Variants in CNTNAP2 observed in about 807,000 individuals in gnomAD.
CNTNAP2 encodes the protein contactin-associated protein-like 2.
Under a neutral mutation model 155.2 loss-of-function variants are expected in CNTNAP2, and 98 were observed. The ratio of observed to expected loss-of-function variants is 0.63; its 90% CI spans 0.54 to 0.75. CNTNAP2 has a LOEUF of 0.75. Ranked by LOEUF, CNTNAP2 falls within the 30% of genes least tolerant of loss-of-function variation. The pLI, the probability that CNTNAP2 is intolerant of heterozygous loss-of-function variation, is 0.00. For missense variants in CNTNAP2, 1,727 were observed against 1,688.1 expected, an observed-to-expected ratio of 1.02 and a Z score of -0.40; for synonymous variants, 651 against 631.2, an observed-to-expected ratio of 1.03 and a Z score of -0.47.
At chr7:148,061,015 A>G (rs1009965834) in intron 15 of CNTNAP2, among the ~76,000 whole-genome samples, 4 of 152,232 alleles carry the variant, frequency 2.6e-5, no homozygotes, top group Non-Finnish European at 5.9e-5. Flanking sequence ...TGAGACCAAA[A>G]GGTTTTTCAT....
Position 146,387,752 on chromosome 7 carries a change from A to G in CNTNAP2, c.97+270779A>G, listed in dbSNP as rs769369030. On this transcript the variant is annotated intron_variant, in intron 1 of 23. Coordinates refer to ENST00000361727, the MANE Select transcript of CNTNAP2 (RefSeq NM_014141.6). Reference sequence around the variant, plus strand: ...TATTCCTCATTTTGGTGGAGAAATGAGGCCTCAACCTCCTGGGCTGAGGCA... The same window carrying G: ...TATTCCTCATTTTGGTGGAGAAATGGGGCCTCAACCTCCTGGGCTGAGGCA... 4.6e-5 allele frequency among the ~76,000 whole-genome samples: 7 copies of G among 152,180 alleles called. No individual in the cohort carries two copies. In the East Asian group the frequency reaches 5.8e-4, roughly 13 times the overall value.
chr7:147,395,074 A>G (rs1796790368), intron 9 of CNTNAP2, among the ~76,000 whole-genome samples: 1 of 152,006 alleles, frequency 6.6e-6, no homozygotes, highest in African/African-American at 2.4e-5. Flanking sequence ...AAAGGCATCT[A>G]TAATGCAAAT....
intron 13 of CNTNAP2, among the ~76,000 whole-genome samples, chr7:147,784,506 T>C (rs1452511579): frequency 2.2e-4 from 6 of 27,432 alleles, no homozygotes; most frequent in Admixed American, 2.0e-3. Context: ...TATATATATA[T>C]ATATATATAT....
intron 21 of CNTNAP2, among the ~76,000 whole-genome samples, chr7:148,321,929 C>A (rs1323287962): frequency 1.3e-5 from 2 of 150,244 alleles, no homozygotes; most frequent in African/African-American, 4.9e-5. Context: ...CGGATTCTCG[C>A]TCTGTCACCC....
chr7:147,078,613 G>A, intron 4 of CNTNAP2, among the ~76,000 whole-genome samples: 1 of 151,850 alleles, frequency 6.6e-6, no homozygotes. Context: ...AATCCAGATA[G>A]GAACTATAGG....
chr7:146,192,092 T>G (rs1798714170), intron 1 of CNTNAP2, among the ~76,000 whole-genome samples: 2 of 152,176 alleles, frequency 1.3e-5, no homozygotes, highest in African/African-American at 4.8e-5. Context: ...ATAAAAGTAT[T>G]AATTTGGGGA....
At chr7:146,999,498 T>G (rs1798382228) in intron 3 of CNTNAP2, among the ~76,000 whole-genome samples, 2 of 152,074 alleles carry the variant, frequency 1.3e-5, no homozygotes, top group South Asian at 4.1e-4. Flanking sequence ...AGTTTTGTAC[T>G]TTCAGTGATT....
chr7:147,762,907 T>A (rs1584943066), intron 13 of CNTNAP2, among the ~76,000 whole-genome samples: 1 of 152,104 alleles, frequency 6.6e-6, no homozygotes, highest in African/African-American at 2.4e-5. Flanking sequence ...TTTGTAAACA[T>A]GAGGTCAGAT....
At chr7:147,489,903 C>T (rs562743772) in intron 11 of CNTNAP2, among the ~76,000 whole-genome samples, 1 of 152,272 alleles carries the variant, frequency 6.6e-6, no homozygotes, top group South Asian at 2.1e-4. Flanking sequence ...GCATGAGCCA[C>T]CATGCCTGGC....
chr7:148,199,029 G>T (rs1795325340), intron 18 of CNTNAP2, among the ~76,000 whole-genome samples: 1 of 152,170 alleles, frequency 6.6e-6, no homozygotes, highest in Non-Finnish European at 1.5e-5. Flanking sequence ...GCAGATTAGG[G>T]AGGGCATGGC....
At chr7:147,589,195 A>G (rs1800692408) in intron 12 of CNTNAP2, among the ~76,000 whole-genome samples, 1 of 152,216 alleles carries the variant, frequency 6.6e-6, no homozygotes. Flanking sequence ...AAAGATCTAG[A>G]GAACTAAAGT....
chr7:147,317,112 A>G (rs1795246558), intron 9 of CNTNAP2, among the ~76,000 whole-genome samples: 1 of 152,160 alleles, frequency 6.6e-6, no homozygotes, highest in South Asian at 2.1e-4. Flanking sequence ...TTCATCTCAT[A>G]AATGATTTTA....
chr7:148,224,230 G>A (rs893157508), intron 19 of CNTNAP2, among the ~76,000 whole-genome samples: 5 of 152,192 alleles, frequency 3.3e-5, no homozygotes, highest in African/African-American at 1.2e-4. Context: ...AAAAACCTAA[G>A]ACAATCAACG....
intron 3 of CNTNAP2, among the ~76,000 whole-genome samples, chr7:147,021,635 C>A (rs1798818761): frequency 6.6e-6 from 1 of 152,154 alleles, no homozygotes; most frequent in East Asian, 1.9e-4. Flanking sequence ...GCTGTTCTTA[C>A]AACAATTTTC....
intron 9 of CNTNAP2, among the ~76,000 whole-genome samples, chr7:147,346,155 T>TTA: frequency 7.2e-6 from 1 of 139,800 alleles, no homozygotes; most frequent in African/African-American, 2.6e-5. Flanking sequence ...TTTATTTTAT[T>TTA]TTTTTTTTTT....
chr7:147,069,869 G>A (rs1446423668), intron 4 of CNTNAP2, among the ~76,000 whole-genome samples: 1 of 152,180 alleles, frequency 6.6e-6, no homozygotes, highest in Non-Finnish European at 1.5e-5. Context: ...TGGCTATAGT[G>A]GCTGAGAAAC....
chr7:147,799,232 C>T (rs79747295), intron 13 of CNTNAP2, among the ~76,000 whole-genome samples: 4,961 of 152,122 alleles, frequency 0.033, 134 homozygotes, highest in Non-Finnish European at 0.052. Context: ...GCAGAGTTTC[C>T]TTTTTCTTGG....
At chr7:146,452,652 C>T (rs1303957720) in intron 1 of CNTNAP2, among the ~76,000 whole-genome samples, 1 of 152,188 alleles carries the variant, frequency 6.6e-6, no homozygotes, top group Non-Finnish European at 1.5e-5. Context: ...TTAAACTTAA[C>T]TTCTCAGAGA....
At chr7:146,261,468 T>A (rs802567) in intron 1 of CNTNAP2, among the ~76,000 whole-genome samples, 33,748 of 151,492 alleles carry the variant, frequency 0.22, 10,398 homozygotes, top group African/African-American at 0.7. Context: ...ATAGAATTTA[T>A]AGTTTTATGA....
Sources: allele counts gnomAD v4.1 joint callset (sites outside exome capture counted in the v4.1 genomes callset), GRCh38; gene constraint gnomAD v4.1.1; transcripts MANE v1.5; gene names NCBI Gene and HGNC (gene_info 2026-07-23, HGNC 2026-07-21).